The following AGPAT4 variants were observed in gnomAD, a reference collection of about 807,000 sequenced individuals.
AGPAT4 encodes 1-acylglycerol-3-phosphate O-acyltransferase 4.
A neutral mutation model predicts 48.0 loss-of-function variants in AGPAT4; 15 were observed. That is an observed-to-expected ratio of 0.31 (90% CI 0.21 to 0.48). The LOEUF (loss-of-function observed/expected upper bound fraction) is 0.48. Among genes scored for constraint, AGPAT4 ranks in the 20% least tolerant of loss-of-function variants. AGPAT4 has a pLI of 0.99. For synonymous variants in AGPAT4, 178 were observed against 198.7 expected, an observed-to-expected ratio of 0.90 and a Z score of 0.88; for missense variants, 314 against 482.5, an observed-to-expected ratio of 0.65 and a Z score of 3.27.
rs1343527074 is a variant in AGPAT4, at chr6:161,138,376, T to G, written c.1042+1046A>C. ...CATTGGTTGGCTCAGTCAGAATGAA[T>G]GAGCTAGGTTTATGTGCTGTGACCT... is the stretch of plus-strand genomic sequence containing the variant. On this transcript the variant is annotated intron_variant, in intron 8 of 8. Transcript: ENST00000320285. The surrounding 1 kb of genome is among the most constrained non-coding windows in gnomAD (Gnocchi z 4.8). Among the ~76,000 whole-genome samples, 1 of 152,164 alleles carries G rather than the reference T, an allele frequency of 6.6e-6. No homozygotes were observed. Among genetic ancestry groups the G allele is most frequent in the Admixed American group, 6.5e-5 (1 of 15,278 alleles).
rs545337591 is a variant in AGPAT4 at position 161,154,082 on chromosome 6, C to A, written c.510+67G>T. 8.7e-6 allele frequency: 14 copies of A among 1,606,706 alleles called. No homozygotes were observed. In the South Asian group the frequency reaches 1.5e-4, roughly 18 times the overall value. On this transcript the variant is annotated intron_variant, in intron 4 of 8. Transcript: ENST00000320285. This position sits in a 1 kb window ranked among gnomAD's most constrained non-coding sequence, Gnocchi z 7.8. ...ACAGTCACGTGTCCTGTGGAAGTCACATGGGGGTCCCACGGTCACAGTCCT... is the reference window on the plus strand; with the variant it reads ...ACAGTCACGTGTCCTGTGGAAGTCAAATGGGGGTCCCACGGTCACAGTCCT...
In AGPAT4 at chr6:161,225,210, G is replaced by A. The variant is rs182851921; in HGVS notation, c.178+6826C>T. Reference sequence around the variant, plus strand: ...CTCTACCCTGACTCATTCTGATTCCGTCCCCTGTCATAACCATTTTTCCCG... The same window carrying A: ...CTCTACCCTGACTCATTCTGATTCCATCCCCTGTCATAACCATTTTTCCCG... On this transcript the variant is annotated intron_variant, in intron 2 of 8. Transcript: ENST00000320285. The surrounding 1 kb of genome is among the most constrained non-coding windows in gnomAD (Gnocchi z 5.0). Among the ~76,000 whole-genome samples, 411 of 152,046 alleles carry A rather than the reference G, an allele frequency of 2.7e-3. 2 individuals are homozygous for A. The highest frequency in any genetic ancestry group is 9.7e-3 in the African/African-American group (403 of 41,476).
At position 161,195,329 on chromosome 6, in the gene AGPAT4, G is replaced by T. The variant is rs898187326; in HGVS notation, c.179-28912C>A. ...GTCTTCCCAAAATAAAAGAAAAAAA[G>T]TAATTATTCAGAGAAGACAAGCACT... On this transcript the variant is annotated intron_variant, in intron 2 of 8. Transcript: ENST00000320285. This position sits in a 1 kb window ranked among gnomAD's most constrained non-coding sequence, Gnocchi z 5.0. 1.3e-5 allele frequency among the ~76,000 whole-genome samples: 2 copies of T among 152,164 alleles called. No individual in the cohort carries two copies. Among genetic ancestry groups the T allele is most frequent in the Non-Finnish European group, 2.9e-5 (2 of 68,034 alleles).
rs1664333955 is a variant in AGPAT4, at chr6:161,234,574, G to A, written c.-89-2272C>T. Among the ~76,000 whole-genome samples the A allele has an allele frequency of 6.6e-6, 1 of 152,178 alleles. No individual in the cohort carries two copies. The highest frequency in any genetic ancestry group is 2.4e-5 in the African/African-American group (1 of 41,440). ...CTTGACTTTGGGAGCCACATAAATA[G>A]GAGGGGTTTACATGGGTTTGCAGCT... On this transcript the variant is annotated intron_variant, in intron 1 of 8. Coordinates refer to ENST00000320285, the MANE Select transcript of AGPAT4 (RefSeq NM_020133.3). This position sits in a 1 kb window ranked among gnomAD's most constrained non-coding sequence, Gnocchi z 4.4.
At position 161,198,113 on chromosome 6, in the gene AGPAT4, T is replaced by A. The variant is rs768457309; in HGVS notation, c.179-31696A>T. 6.6e-6 allele frequency among the ~76,000 whole-genome samples: 1 copy of A among 152,226 alleles called. No homozygotes were observed. Among genetic ancestry groups the A allele is most frequent in the Non-Finnish European group, 1.5e-5 (1 of 68,052 alleles). On this transcript the variant is annotated intron_variant, in intron 2 of 8. Coordinates refer to ENST00000320285, the MANE Select transcript of AGPAT4 (RefSeq NM_020133.3). The surrounding 1 kb of genome is among the most constrained non-coding windows in gnomAD (Gnocchi z 4.3). ...ACTGTTCCATAATAAAGAACACATG[T>A]CTATTGTACTAACTAATATGCTTAT... is the stretch of plus-strand genomic sequence containing the variant.
Position 161,164,488 on chromosome 6 carries a change from G to A in AGPAT4, c.348+1760C>T, listed in dbSNP as rs542580965. Reference sequence around the variant, plus strand: ...GTCCTTACTGCAGCTGGTCTGGGTCGTTTTAGGATGGTCAGGGTCCTGTTT... The same window carrying A: ...GTCCTTACTGCAGCTGGTCTGGGTCATTTTAGGATGGTCAGGGTCCTGTTT... On this transcript the variant is annotated intron_variant, in intron 3 of 8. Coordinates refer to ENST00000320285, the MANE Select transcript of AGPAT4 (RefSeq NM_020133.3). This position sits in a 1 kb window ranked among gnomAD's most constrained non-coding sequence, Gnocchi z 7.4. Among the ~76,000 whole-genome samples, 10 of 152,334 alleles carry A rather than the reference G, an allele frequency of 6.6e-5. No homozygotes were observed. Among genetic ancestry groups the A allele is most frequent in the East Asian group, 3.9e-4 (2 of 5,182 alleles).
chr6:161,180,990 C>G lies in AGPAT4; in HGVS notation c.179-14573G>C, dbSNP rs1164170205. 6.6e-6 allele frequency among the ~76,000 whole-genome samples: 1 copy of G among 152,200 alleles called. No individual in the cohort carries two copies. Among genetic ancestry groups the G allele is most frequent in the Non-Finnish European group, 1.5e-5 (1 of 68,040 alleles). On this transcript the variant is annotated intron_variant, in intron 2 of 8. Transcript: ENST00000320285. The surrounding 1 kb of genome is among the most constrained non-coding windows in gnomAD (Gnocchi z 6.4). ...GGAAGAAAGGCCTCTGCTGTCCTAT[C>G]TGTAAAGATGGAGGAGGGAAATGAT... is the stretch of plus-strand genomic sequence containing the variant.
Position 161,137,024 on chromosome 6 carries a change from A to C in AGPAT4, c.1043-390T>G, listed in dbSNP as rs541028789. Among the ~76,000 whole-genome samples the C allele has an allele frequency of 6.6e-5, 10 of 152,248 alleles. No homozygotes were observed. Among genetic ancestry groups the C allele is most frequent in the Non-Finnish European group, 1.3e-4 (9 of 68,048 alleles). On this transcript the variant is annotated intron_variant, in intron 8 of 8. Transcript: ENST00000320285. This position sits in a 1 kb window ranked among gnomAD's most constrained non-coding sequence, Gnocchi z 6.1. Reference sequence around the variant, plus strand: ...TGTTCAGCGAAGTTTTATAAAGAACAGACCAGGAGCCTGGAAGACGCAAGA... The same window carrying C: ...TGTTCAGCGAAGTTTTATAAAGAACCGACCAGGAGCCTGGAAGACGCAAGA...
chr6:161,192,460 A>T (rs1049201309), intron 2 of AGPAT4, among the ~76,000 whole-genome samples: 10 of 152,090 alleles, frequency 6.6e-5, no homozygotes, highest in Admixed American at 6.5e-4. Flanking sequence ...TGGAAGTCAT[A>T]TATTTTTTAA....
rs1779671584 is a variant in AGPAT4 at position 161,153,816 on chromosome 6, CAGCCCTGGGGTCACACAT to C, written c.510+315_511-318del. Among the ~76,000 whole-genome samples, 74 of 130,608 alleles carry C rather than the reference CAGCCCTGGGGTCACACAT, an allele frequency of 5.7e-4. 1 individual carries two copies. The highest frequency in any genetic ancestry group is 4.0e-3 in the Middle Eastern group (1 of 250). 85.7% of individuals were successfully genotyped at this position (130,608 alleles called of 152,430 possible). ...TCACACATAGCCCTGGGGTCACACACAGCCCTGGGGTCACACATAGCCCCAGGGTCACATATGGCCACA... is the reference window on the plus strand; with the variant it reads ...TCACACATAGCCCTGGGGTCACACACAGCCCCAGGGTCACATATGGCCACA... On this transcript the variant is annotated intron_variant, in intron 4 of 8. Transcript: ENST00000320285.
At chr6:161,162,724 T>G (rs900364654) in intron 3 of AGPAT4, among the ~76,000 whole-genome samples, 4 of 152,266 alleles carry the variant, frequency 2.6e-5, no homozygotes, top group African/African-American at 9.6e-5. Flanking sequence ...AATATCCCAG[T>G]TGGCCCGGCA....
intron 5 of AGPAT4, among the ~76,000 whole-genome samples, chr6:161,152,451 G>A (rs909294364): frequency 1.3e-4 from 20 of 152,156 alleles, no homozygotes; most frequent in Non-Finnish European, 2.2e-4. Context: ...CGCTAAAGCC[G>A]GTGGGTCACC....
At chr6:161,205,336 C>T (rs1781351648) in intron 2 of AGPAT4, among the ~76,000 whole-genome samples, 1 of 152,104 alleles carries the variant, frequency 6.6e-6, no homozygotes, top group South Asian at 2.1e-4. Flanking sequence ...GGACACAGGG[C>T]ATTCTTAAGG....
At chr6:161,205,143 C>A (rs1169766093) in intron 2 of AGPAT4, among the ~76,000 whole-genome samples, 2 of 152,128 alleles carry the variant, frequency 1.3e-5, no homozygotes, top group African/African-American at 4.8e-5. Context: ...GATTCTCTGG[C>A]ACGACTGATC....
rs949936054 is a variant in AGPAT4 at position 161,242,801 on chromosome 6, C to T, written c.-89-10499G>A. ...ATAAGGAAACCTAGGCCGGGCGCAG[C>T]GGCTCACACCTGTCATCCCAGCACT... On this transcript the variant is annotated intron_variant, in intron 1 of 8. Coordinates refer to ENST00000320285, the MANE Select transcript of AGPAT4 (RefSeq NM_020133.3). This position sits in a 1 kb window ranked among gnomAD's most constrained non-coding sequence, Gnocchi z 5.0. Among the ~76,000 whole-genome samples, 2 of 152,088 alleles carry T rather than the reference C, an allele frequency of 1.3e-5. No individual in the cohort carries two copies. The highest frequency in any genetic ancestry group is 2.9e-5 in the Non-Finnish European group (2 of 68,002).
chr6:161,153,015 A>T (rs1025480317), intron 5 of AGPAT4, among the ~76,000 whole-genome samples: 2 of 152,146 alleles, frequency 1.3e-5, no homozygotes, highest in Admixed American at 1.3e-4. Flanking sequence ...TGCCCCTCAA[A>T]CCCAACTGTG....
chr6:161,167,973 C>A (rs1432082116), intron 2 of AGPAT4, among the ~76,000 whole-genome samples: 1 of 152,186 alleles, frequency 6.6e-6, no homozygotes, highest in African/African-American at 2.4e-5. Flanking sequence ...CAGAAATGAA[C>A]AATAAAAAGT....
At chr6:161,205,803 A>G (rs1205540769) in intron 2 of AGPAT4, among the ~76,000 whole-genome samples, 1 of 152,048 alleles carries the variant, frequency 6.6e-6, no homozygotes. Flanking sequence ...TTCTTTTTTG[A>G]TCTTCTTTTC....
rs1004264351 is a variant in AGPAT4, at chr6:161,154,462, C to T, written c.349-152G>A. ...AACACATGCTGTCGAGGCCATGGAC[C>T]CTGGTGCCCTCCCCACCTTTCAGCT... On this transcript the variant is annotated intron_variant, in intron 3 of 8. Coordinates refer to ENST00000320285, the MANE Select transcript of AGPAT4 (RefSeq NM_020133.3). This position sits in a 1 kb window ranked among gnomAD's most constrained non-coding sequence, Gnocchi z 7.8. The T allele has an allele frequency of 2.3e-6, 2 of 864,648 alleles. No homozygotes were observed. Among genetic ancestry groups the T allele is most frequent in the African/African-American group, 1.7e-5 (1 of 58,668 alleles). 53.6% of individuals were successfully genotyped at this position (864,648 alleles called of 1,614,324 possible).
Sources: allele counts gnomAD v4.1 joint callset (sites outside exome capture counted in the v4.1 genomes callset), GRCh38; gene constraint gnomAD v4.1.1; non-coding constraint Gnocchi (gnomAD v3.1); transcripts MANE v1.5; gene names NCBI Gene and HGNC (gene_info 2026-07-23, HGNC 2026-07-21).